Variants in POLE observed in about 807,000 individuals in gnomAD.
POLE encodes DNA polymerase epsilon, catalytic subunit.
In POLE, 188 loss-of-function variants were observed where a neutral mutation model predicts 279.2. The observed-to-expected ratio is 0.67, with a 90% CI of 0.60 to 0.76. The LOEUF (loss-of-function observed/expected upper bound fraction) is 0.76, where lower values mean the gene tolerates loss of function less well. POLE is among the 30% of genes least tolerant of loss of function. The pLI, the probability that POLE is intolerant of heterozygous loss-of-function variation, is 0.00. For missense variants in POLE, 2,703 were observed against 3,016.7 expected (o/e 0.90, Z 2.44); for synonymous variants, 1,214 against 1,172.5 (o/e 1.04, Z -0.72).
chr12:132,632,986 A>G, intron 43 of POLE, 191 bp from the exon 44 acceptor site: 1 of 587,202 alleles, frequency 1.7e-6, no homozygotes, highest in Non-Finnish European at 2.9e-6. Flanking sequence ...GAGAAGGAAC[A>G]CTCGCTGACA....
intron 29 of POLE, among the ~76,000 whole-genome samples, chr12:132,654,950 G>A (rs1220606725): frequency 6.6e-6 from 1 of 152,110 alleles, no homozygotes; most frequent in East Asian, 1.9e-4. Context: ...GGGGTGAAGT[G>A]CCTATTCACA....
chr12:132,649,942 GGC>G, intron 29 of POLE, 53 bp from the exon 30 acceptor site: 1 of 1,527,098 alleles, frequency 6.5e-7, no homozygotes, highest in Non-Finnish European at 9.0e-7. Flanking sequence ...TGCGCAGGGT[GGC>G]TCATGCCTGG....
At chr12:132,646,459 G>C (rs1488373390) in intron 32 of POLE, among the ~76,000 whole-genome samples, 1 of 151,638 alleles carries the variant, frequency 6.6e-6, no homozygotes, top group Non-Finnish European at 1.5e-5. Context: ...AACTGTGATG[G>C]TTAAGTGAAG....
chr12:132,681,137 C>T lies in POLE; in HGVS notation c.204+1G>A, dbSNP rs1431917980. On this transcript the variant is annotated splice_donor_variant, in intron 2 of 48. Transcript: ENST00000320574. LOFTEE classifies it high-confidence loss of function. The stretch of plus-strand genomic sequence containing the variant: ...GGGTGGGAGAAGGACCTAGTGCTTA[C>T]AGGATGCATGTTAATGAGCCAGCCT... 6.2e-7 allele frequency: 1 copy of T among 1,614,016 alleles called. No individual in the cohort carries two copies. Among genetic ancestry groups the T allele is most frequent in the Admixed American group, 1.7e-5 (1 of 60,012 alleles).
chr12:132,669,302 T>C (rs1015441061), intron 16 of POLE, among the ~76,000 whole-genome samples: 2 of 151,718 alleles, frequency 1.3e-5, no homozygotes, highest in African/African-American at 4.8e-5. Context: ...CCCGTCTCTA[T>C]AAAAAATAAA....
rs771591846 is a variant in POLE, at chr12:132,665,449, A to C, written c.2321T>G (p.Val774Gly). 3.1e-6 allele frequency: 5 copies of C among 1,608,858 alleles called. No homozygotes were observed. In the African/African-American group the frequency reaches 5.3e-5, roughly 17 times the overall value. Residue 774 changes from valine (V) to glycine (G), a missense_variant and splice_region_variant, in exon 21 of 49, where the codon GTG becomes GGG. Val to Gly is a moderately radical substitution (Grantham distance 109). Around this residue, in one of 5 missense-constraint regions of POLE, gnomAD observed 1,011 missense variants for 1,111.7 expected, o/e 0.91. Transcript: ENST00000320574. The stretch of plus-strand genomic sequence containing the variant: ...GGCCGCCGAGAGCTTCTTTTTCCAC[A>C]CCTGAGAAGCACATGAACATGGAGC... ...RRYEFKGLHK[V>G]WKKKLSAAVE...
At chr12:132,685,878 A>AT (rs200263950) in intron 1 of POLE, among the ~76,000 whole-genome samples, 9,958 of 143,280 alleles carry the variant, frequency 0.07, 385 homozygotes, top group Non-Finnish European at 0.098. Context: ...CGTTTTTTCT[A>AT]TTTTTTTTTT....
Position 132,661,760 on chromosome 12 carries a change from G to A in POLE, c.2707-76C>T. ...CTGGAAACCACCTGGTGTCCCTCCA[G>A]GAGTGGATGGATTGACAAACCGAGG... On this transcript the variant is annotated intron_variant, in intron 23 of 48. Transcript: ENST00000320574. The surrounding 1 kb of genome is among the most constrained non-coding windows in gnomAD (Gnocchi z 4.1). 12 of 1,426,062 alleles carry A rather than the reference G, an allele frequency of 8.4e-6. No individual in the cohort carries two copies. In the South Asian group the frequency reaches 1.4e-4, roughly 17 times the overall value. The allele number at this position is 1,426,062 out of a possible 1,614,324, so 88.3% of individuals were successfully genotyped here.
chr12:132,677,433 T>A lies in POLE; in HGVS notation c.731A>T (p.Tyr244Phe). The change falls in exon 8 of 49, where the codon TAC (tyrosine) becomes TTC (phenylalanine). Residue 244 changes from tyrosine (Y) to phenylalanine (F), a missense_variant. Around this residue, in one of 5 missense-constraint regions of POLE, gnomAD observed 1,011 missense variants for 1,111.7 expected, o/e 0.91. Transcript: ENST00000320574. ...IDLKIHVAHW[Y>F]NVRYRGNAFP... The stretch of plus-strand genomic sequence containing the variant: ...AGCATTTCCTCGGTATCTGACATTG[T>A]ACCAATGAGCCTGCAAAACACACAG... 1 of 1,613,932 alleles carries A rather than the reference T, an allele frequency of 6.2e-7. No homozygotes were observed. Among genetic ancestry groups the A allele is most frequent in the East Asian group, 2.2e-5 (1 of 44,888 alleles).
intron 44 of POLE, 78 bp from the exon 45 acceptor site, chr12:132,632,586 C>T (rs1430900339): frequency 9.9e-6 from 16 of 1,608,430 alleles, no homozygotes; most frequent in South Asian, 3.3e-5. Context: ...GGACTGGCAC[C>T]GGGGACCACC....
In POLE at chr12:132,679,652, C is replaced by T. The variant is rs1555230115; in HGVS notation, c.424-1G>A. On this transcript the variant is annotated splice_acceptor_variant, in intron 5 of 48. Transcript: ENST00000320574. LOFTEE classifies it high-confidence loss of function. Reference sequence around the variant, plus strand: ...GCTTCAAACCCACCAAGTGATTTGGCTATAATGCGAAGAGATCACGCTCAT... The same window carrying T: ...GCTTCAAACCCACCAAGTGATTTGGTTATAATGCGAAGAGATCACGCTCAT... The T allele has an allele frequency of 6.2e-7, 1 of 1,607,416 alleles. No individual in the cohort carries two copies. The highest frequency in any genetic ancestry group is 8.5e-7 in the Non-Finnish European group (1 of 1,174,222).
chr12:132,676,657 T>C lies in POLE; in HGVS notation c.802-4A>G. 1 of 1,600,352 alleles carries C rather than the reference T, an allele frequency of 6.2e-7. No individual in the cohort carries two copies. Among genetic ancestry groups the C allele is most frequent in the Non-Finnish European group, 8.6e-7 (1 of 1,167,678 alleles). Reference sequence around the variant, plus strand: ...CAAATGCCAAAACCACAGGGTCCTGTGGGGACAAAATAAGCATAAAGCCAA... The same window carrying C: ...CAAATGCCAAAACCACAGGGTCCTGCGGGGACAAAATAAGCATAAAGCCAA... On this transcript the variant is annotated splice_region_variant and splice_polypyrimidine_tract_variant and intron_variant, in intron 8 of 48. Coordinates refer to ENST00000320574, the MANE Select transcript of POLE (RefSeq NM_006231.4).
chr12:132,639,862 G>A lies in POLE; in HGVS notation c.5379-564C>T, dbSNP rs951155342. 5.9e-5 allele frequency among the ~76,000 whole-genome samples: 9 copies of A among 152,130 alleles called. No individual in the cohort carries two copies. Among genetic ancestry groups the A allele is most frequent in the Non-Finnish European group, 7.4e-5 (5 of 68,014 alleles). On this transcript the variant is annotated intron_variant, in intron 39 of 48. Coordinates refer to ENST00000320574, the MANE Select transcript of POLE (RefSeq NM_006231.4). The surrounding 1 kb of genome is among the most constrained non-coding windows in gnomAD (Gnocchi z 4.7). The stretch of plus-strand genomic sequence containing the variant: ...CTCGGGAGGCTAAGGCAGGAGAATC[G>A]CTTGAACCCGGGAGGTGGAGGTTGC...
chr12:132,670,632 A>G (rs1484842736), intron 16 of POLE, among the ~76,000 whole-genome samples: 1 of 148,404 alleles, frequency 6.7e-6, no homozygotes, highest in African/African-American at 2.5e-5. Context: ...CTGGGACTAC[A>G]GGTGCCCGCC....
At chr12:132,682,490 A>C (rs1162448600) in intron 1 of POLE, among the ~76,000 whole-genome samples, 1 of 151,748 alleles carries the variant, frequency 6.6e-6, no homozygotes, top group Non-Finnish European at 1.5e-5. Flanking sequence ...GTCTCAAAAA[A>C]ATAAATAAAA....
Position 132,641,721 on chromosome 12 carries a change from G to A in POLE, c.5304C>T (p.Asp1768=), listed in dbSNP as rs747138372. Residue 1768 remains aspartate, a synonymous_variant, in exon 39 of 49, where the codon GAC becomes GAT. Coordinates refer to ENST00000320574, the MANE Select transcript of POLE (RefSeq NM_006231.4). ...FDVIQQASLE[D]MITGGQAASA... is the part of the protein sequence containing the mutation. ...TGGCAGCCTGACCACCCGTGATCATGTCCTCCAGGGAGGCCTGCTGGATCA... is the reference window on the plus strand; with the variant it reads ...TGGCAGCCTGACCACCCGTGATCATATCCTCCAGGGAGGCCTGCTGGATCA... 1.2e-6 allele frequency: 2 copies of A among 1,613,462 alleles called. No homozygotes were observed. The highest frequency in any genetic ancestry group is 1.7e-6 in the Non-Finnish European group (2 of 1,180,014).
Position 132,675,593 on chromosome 12 carries a change from C to G in POLE, c.1107-76G>C, listed in dbSNP as rs2043029094. 1 of 1,600,498 alleles carries G rather than the reference C, an allele frequency of 6.2e-7. No individual in the cohort carries two copies. Among genetic ancestry groups the G allele is most frequent in the Non-Finnish European group, 8.5e-7 (1 of 1,172,282 alleles). On this transcript the variant is annotated intron_variant, in intron 11 of 48. Coordinates refer to ENST00000320574, the MANE Select transcript of POLE (RefSeq NM_006231.4). The surrounding 1 kb of genome is among the most constrained non-coding windows in gnomAD (Gnocchi z 4.3). ...CCCCTTTCTCCATTCCTCCCTCAGA[C>G]CCAGGGAGGAACCCAGACACGGGAG...
chr12:132,656,293 A>G (rs991669172), intron 29 of POLE, among the ~76,000 whole-genome samples: 1 of 152,146 alleles, frequency 6.6e-6, no homozygotes, highest in Admixed American at 6.5e-5. Flanking sequence ...GGGGCAGGGG[A>G]AAGAATACAT....
chr12:132,686,522 G>C (rs1371069176), intron 1 of POLE, among the ~76,000 whole-genome samples: 1 of 152,018 alleles, frequency 6.6e-6, no homozygotes, highest in Admixed American at 6.5e-5. Context: ...ATCACCTGAG[G>C]TCAGGAGTTC....
Sources: allele counts gnomAD v4.1 joint callset (sites outside exome capture counted in the v4.1 genomes callset), GRCh38; gene constraint gnomAD v4.1.1; regional missense constraint gnomAD v4.1.1; non-coding constraint Gnocchi (gnomAD v3.1); transcripts MANE v1.5; gene names NCBI Gene and HGNC (gene_info 2026-07-23, HGNC 2026-07-21).